Variants in EXOC6B observed in about 807,000 individuals in gnomAD.
The protein encoded by EXOC6B is exocyst complex component 6B, also known as SEC15 homolog B.
EXOC6B carries 54 observed loss-of-function variants against 113.5 expected under a neutral mutation model. That is an observed-to-expected ratio of 0.48 (90% CI 0.38 to 0.60). The LOEUF (loss-of-function observed/expected upper bound fraction) is 0.60. EXOC6B is among the 20% of genes least tolerant of loss of function. The pLI is 0.00. For synonymous variants in EXOC6B, 357 were observed against 339.0 expected (o/e 1.05, Z -0.58); for missense variants, 797 against 977.5 (o/e 0.82, Z 2.46).
chr2:72,579,879 CAG>C (rs1573431270), intron 6 of EXOC6B, among the ~76,000 whole-genome samples: 1 of 151,996 alleles, frequency 6.6e-6, no homozygotes, highest in African/African-American at 2.4e-5. Context: ...GCTTCAATAA[CAG>C]GGGAGAAACA....
chr2:72,804,205 G>A (rs1685453904), intron 1 of EXOC6B, among the ~76,000 whole-genome samples: 1 of 152,154 alleles, frequency 6.6e-6, no homozygotes, highest in Non-Finnish European at 1.5e-5. Context: ...AGCAAAACTA[G>A]TTCAAGCATT....
chr2:72,749,933 G>A (rs1334208639), intron 1 of EXOC6B, among the ~76,000 whole-genome samples: 2 of 151,596 alleles, frequency 1.3e-5, no homozygotes, highest in Non-Finnish European at 2.9e-5. Context: ...ATAAATGTAA[G>A]TAACCTCATT....
At position 72,353,349 on chromosome 2, in the gene EXOC6B, G is replaced by GTTGTATTGTATTGTATTGTATTGTA. The variant is rs371125530; in HGVS notation, c.2123-18354_2123-18330dup. Among the ~76,000 whole-genome samples, 520 of 142,360 alleles carry GTTGTATTGTATTGTATTGTATTGTA rather than the reference G, an allele frequency of 3.7e-3. 30 individuals are homozygous for GTTGTATTGTATTGTATTGTATTGTA. Among genetic ancestry groups the GTTGTATTGTATTGTATTGTATTGTA allele is most frequent in the African/African-American group, 0.014 (483 of 34,712 alleles). 93.4% of individuals were successfully genotyped at this position (142,360 alleles called of 152,430 possible). ...CCCCATAATGAAAACTTTATATTTTGTTGTATTGTATTGTATTGTATTGTA... is the reference window on the plus strand; with the variant it reads ...CCCCATAATGAAAACTTTATATTTTGTTGTATTGTATTGTATTGTATTGTATTGTATTGTATTGTATTGTATTGTA... On this transcript the variant is annotated intron_variant, in intron 19 of 21. Transcript: ENST00000272427.
chr2:72,257,242 A>C (rs1319223224), intron 20 of EXOC6B, among the ~76,000 whole-genome samples: 1 of 152,188 alleles, frequency 6.6e-6, no homozygotes, highest in Admixed American at 6.5e-5. Context: ...CATCTTTTAG[A>C]AGTCACGGAG....
intron 3 of EXOC6B, 120 bp downstream of exon 3, chr2:72,732,948 CAAT>C: frequency 1.4e-6 from 1 of 739,788 alleles, no homozygotes; most frequent in East Asian, 2.7e-5. Context: ...GGAAAAGCAA[CAAT>C]AATGTCCAAG....
intron 18 of EXOC6B, among the ~76,000 whole-genome samples, chr2:72,390,056 G>C (rs948925224): frequency 2.0e-5 from 3 of 152,134 alleles, no homozygotes; most frequent in African/African-American, 7.2e-5. Context: ...CTGCACCCCA[G>C]CCTGGGTGAC....
intron 18 of EXOC6B, among the ~76,000 whole-genome samples, chr2:72,457,149 C>A (rs1473495693): frequency 6.6e-6 from 1 of 151,976 alleles, no homozygotes; most frequent in Non-Finnish European, 1.5e-5. Context: ...AGTTTAAGGT[C>A]CCATTATGAA....
intron 2 of EXOC6B, among the ~76,000 whole-genome samples, chr2:72,733,662 C>A (rs747726166): frequency 2.0e-5 from 3 of 152,042 alleles, no homozygotes; most frequent in Non-Finnish European, 2.9e-5. Context: ...ATCAGATAGT[C>A]AAAAATTTGT....
intron 1 of EXOC6B, among the ~76,000 whole-genome samples, chr2:72,786,721 C>G (rs543019150): frequency 3.7e-4 from 57 of 152,158 alleles, no homozygotes; most frequent in Non-Finnish European, 6.8e-4. Context: ...GACCAGTAGT[C>G]TATATACTCC....
intron 1 of EXOC6B, among the ~76,000 whole-genome samples, chr2:72,800,514 T>C (rs1685219194): frequency 6.6e-6 from 1 of 152,198 alleles, no homozygotes; most frequent in Admixed American, 6.5e-5. Context: ...TTGAAGTTAA[T>C]TTAGTAATAA....
At chr2:72,193,935 A>G (rs1679004647) in intron 20 of EXOC6B, among the ~76,000 whole-genome samples, 2 of 152,220 alleles carry the variant, frequency 1.3e-5, no homozygotes, top group Admixed American at 1.3e-4. Context: ...AGCCATGTTC[A>G]TTGATTTACA....
chr2:72,726,243 A>C (rs943388337), intron 5 of EXOC6B, among the ~76,000 whole-genome samples: 2 of 152,148 alleles, frequency 1.3e-5, no homozygotes, highest in South Asian at 4.1e-4. Flanking sequence ...AGGAATGGGT[A>C]CCCTTTTTGG....
intron 20 of EXOC6B, among the ~76,000 whole-genome samples, chr2:72,244,789 A>T (rs936470764): frequency 2.0e-5 from 3 of 152,176 alleles, no homozygotes; most frequent in African/African-American, 7.2e-5. Context: ...AACTATAGCG[A>T]GGGTGCAGGA....
At chr2:72,387,270 A>C (rs959052446) in intron 18 of EXOC6B, among the ~76,000 whole-genome samples, 2 of 152,258 alleles carry the variant, frequency 1.3e-5, no homozygotes, top group Admixed American at 6.5e-5. Flanking sequence ...GTCCGTGTTT[A>C]TGCAGGATAT....
At chr2:72,609,627 G>T (rs886964714) in intron 6 of EXOC6B, among the ~76,000 whole-genome samples, 1 of 151,616 alleles carries the variant, frequency 6.6e-6, no homozygotes, top group Non-Finnish European at 1.5e-5. Context: ...ATATCTAGGA[G>T]TATGATAAAA....
intron 18 of EXOC6B, among the ~76,000 whole-genome samples, chr2:72,383,127 G>A (rs984788584): frequency 6.6e-6 from 1 of 152,036 alleles, no homozygotes; most frequent in African/African-American, 2.4e-5. Context: ...TGTAACAAAC[G>A]CAAAAACTGA....
Position 72,700,237 on chromosome 2 carries a change from A to AACACACACACACACACACACACAC in EXOC6B, c.669+17842_669+17865dup, listed in dbSNP as rs3034948. On this transcript the variant is annotated intron_variant, in intron 6 of 21. Transcript: ENST00000272427. Reference sequence around the variant, plus strand: ...TCCTGTTAGATACAAAGACCACAGAAACACACACACACACACACACACACA... The same window carrying AACACACACACACACACACACACAC: ...TCCTGTTAGATACAAAGACCACAGAAACACACACACACACACACACACACACACACACACACACACACACACACA... Among the ~76,000 whole-genome samples the AACACACACACACACACACACACAC allele has an allele frequency of 4.7e-3, 670 of 142,386 alleles. 10 individuals are homozygous for AACACACACACACACACACACACAC. Among genetic ancestry groups the AACACACACACACACACACACACAC allele is most frequent in the African/African-American group, 9.7e-3 (362 of 37,270 alleles). 93.4% of individuals were successfully genotyped at this position (142,386 alleles called of 152,430 possible).
rs1055205726 is a variant in EXOC6B at position 72,176,901 on chromosome 2, C to T, written c.*2434G>A. On this transcript the variant is annotated 3_prime_UTR_variant, in exon 22 of 22. Coordinates refer to ENST00000272427, the MANE Select transcript of EXOC6B (RefSeq NM_015189.3). ...ATCTGAGGAGTCTGATGGGTCTGGGCACACATGCTTTGCACAAGTCCTCTC... is the reference window on the plus strand; with the variant it reads ...ATCTGAGGAGTCTGATGGGTCTGGGTACACATGCTTTGCACAAGTCCTCTC... The T allele has an allele frequency of 2.0e-5, 3 of 152,144 alleles. No individual in the cohort carries two copies. The highest frequency in any genetic ancestry group is 4.4e-5 in the Non-Finnish European group (3 of 68,038). 9.4% of individuals were successfully genotyped at this position (152,144 alleles called of 1,614,324 possible).
intron 6 of EXOC6B, among the ~76,000 whole-genome samples, chr2:72,583,922 A>G (rs372565172): frequency 1.3e-5 from 2 of 152,018 alleles, no homozygotes; most frequent in Non-Finnish European, 2.9e-5. Context: ...GGGTTTCACC[A>G]TGTTGGCCAG....
Sources: gnomAD v4.1 joint callset for allele counts (sites outside exome capture counted in the v4.1 genomes callset) on GRCh38, gnomAD v4.1.1 for gene constraint, MANE v1.5 for transcripts, NCBI Gene and HGNC (gene_info 2026-07-23, HGNC 2026-07-21) for gene names.